The following SLC6A7 variants were observed in gnomAD, a reference collection of about 807,000 sequenced individuals.
SLC6A7 encodes the protein sodium-dependent proline transporter.
Under a neutral mutation model 73.1 loss-of-function variants are expected in SLC6A7, and 58 were observed. That is an observed-to-expected ratio of 0.79 (90% CI 0.64 to 0.99). The LOEUF is 0.99. Among genes scored for constraint, SLC6A7 ranks in the 50% least tolerant of loss-of-function variants. The pLI is 0.00. For missense variants in SLC6A7, 783 were observed against 831.4 expected, an observed-to-expected ratio of 0.94 and a Z score of 0.72; for synonymous variants, 338 against 338.7, an observed-to-expected ratio of 1.00 and a Z score of 0.02.
chr5:150,201,364 T>C, intron 6 of SLC6A7, 141 bp downstream of exon 6: 1 of 480,954 alleles, frequency 2.1e-6, no homozygotes, highest in Non-Finnish European at 3.4e-6. Flanking sequence ...ATTGTTATTT[T>C]TTTCTATTTT....
chr5:150,200,648 C>T (rs1485545961), intron 5 of SLC6A7, among the ~76,000 whole-genome samples: 3 of 152,004 alleles, frequency 2.0e-5, no homozygotes, highest in Non-Finnish European at 4.4e-5. Context: ...GGGTAGAAAC[C>T]ATATAGAAAG....
chr5:150,190,123 G>T lies in SLC6A7; in HGVS notation c.-205G>T, dbSNP rs1288477033. 4 of 457,788 alleles carry T rather than the reference G, an allele frequency of 8.7e-6. No individual in the cohort carries two copies. Among genetic ancestry groups the T allele is most frequent in the African/African-American group, 2.1e-5 (1 of 48,132 alleles). The allele number at this position is 457,788 out of a possible 1,614,324, so 28.4% of individuals were successfully genotyped here. A position where few individuals can be genotyped will look rare whatever the true frequency, so the allele number is the denominator to read the frequency against. ...AGTGCACCCTTCCCCAGCCTCGGGC[G>T]CTGCGCAGGGACAGACAAGGCATTC... On this transcript the variant is annotated 5_prime_UTR_variant, in exon 1 of 14. Transcript: ENST00000230671.
rs1753073160 is a variant in SLC6A7 at position 150,197,130 on chromosome 5, C to G, written c.438C>G (p.Ala146=). 5.6e-6 allele frequency: 9 copies of G among 1,614,130 alleles called. No individual in the cohort carries two copies. Among genetic ancestry groups the G allele is most frequent in the Non-Finnish European group, 7.6e-6 (9 of 1,180,020 alleles). The part of the protein sequence containing the change: ...IIAYVLFYLF[A]SLTSDLPWEH... ...CCTACGTGCTCTTCTACCTCTTCGC[C>G]TCCCTCACCAGCGACCTACCCTGGG... The change falls in exon 4 of 14, where the codon GCC becomes GCG. Residue 146 remains alanine, a synonymous_variant. Transcript: ENST00000230671.
At position 150,199,344 on chromosome 5, in the gene SLC6A7, AG is replaced by A. The variant is rs35844281; in HGVS notation, c.704del (p.Gly235ValfsTer2). ...GTCATCGTGTTCCTCTGTATCCTCA[AG>A]GGTGTGAAGTCTTCGGGCAAGGTGA... is the stretch of plus-strand genomic sequence containing the variant. ...AWVIVFLCIL[K>X]GVKSSGKVVY... On this transcript the variant is annotated frameshift_variant, in exon 5 of 14. Transcript: ENST00000230671. LOFTEE classifies it high-confidence loss of function. 3 of 1,613,786 alleles carry A rather than the reference AG, an allele frequency of 1.9e-6. No homozygotes were observed. The highest frequency in any genetic ancestry group is 2.5e-6 in the Non-Finnish European group (3 of 1,179,804).
chr5:150,198,121 G>GAAAGAA (rs1753170411), intron 4 of SLC6A7, among the ~76,000 whole-genome samples: 4 of 111,844 alleles, frequency 3.6e-5, no homozygotes, highest in East Asian at 5.1e-4. Context: ...GAAAGAGAAA[G>GAAAGAA]AAAGAAAGAA....
chr5:150,197,265 G>C lies in SLC6A7; in HGVS notation c.573G>C (p.Glu191Asp). ...TCACCTGCACCGTCAGCCCCAGCGA[G>C]GAGTACTGGAGGTCAGGCAGCTGCT... ...LNLTCTVSPS[E>D]EYWSRYVLHI... is the part of the protein sequence containing the mutation. Residue 191 changes from glutamate (E) to aspartate (D), a missense_variant, in exon 4 of 14, where the codon GAG becomes GAC. Coordinates refer to ENST00000230671, the MANE Select transcript of SLC6A7 (RefSeq NM_014228.5). 6.2e-7 allele frequency: 1 copy of C among 1,605,480 alleles called. No individual in the cohort carries two copies. Among genetic ancestry groups the C allele is most frequent in the South Asian group, 1.1e-5 (1 of 89,860 alleles).
chr5:150,199,084 T>G, intron 4 of SLC6A7, 144 bp from the exon 5 acceptor site: 7 of 1,104,698 alleles, frequency 6.3e-6, no homozygotes, highest in Admixed American at 2.8e-5. Context: ...TGGGTCAGAG[T>G]TGGTCGGAGA....
At position 150,190,194 on chromosome 5, in the gene SLC6A7, C is replaced by A. The variant is rs1752705200; in HGVS notation, c.-134C>A. 1.5e-5 allele frequency: 10 copies of A among 662,674 alleles called. 1 individual carries two copies. Among genetic ancestry groups the A allele is most frequent in the South Asian group, 1.1e-4 (5 of 43,784 alleles). The allele number at this position is 662,674 out of a possible 1,614,324, so 41.0% of individuals were successfully genotyped here. On this transcript the variant is annotated 5_prime_UTR_variant, in exon 1 of 14. Coordinates refer to ENST00000230671, the MANE Select transcript of SLC6A7 (RefSeq NM_014228.5). ...CACGCCCGCAGCCGCCAGACGGCAG[C>A]GCCTGCGTCCGTGCCCGCCCCAGCC...
chr5:150,203,993 C>T lies in SLC6A7; in HGVS notation c.1287C>T (p.Leu429=), dbSNP rs750699916. The change falls in exon 10 of 14, where the codon CTC becomes CTT. Residue 429 remains leucine (L), a synonymous_variant. Transcript: ENST00000230671. ...LRPKKAVFSG[L]ICVAMYLMGL... ...CCAAGAAGGCGGTGTTCTCAGGGCT[C>T]ATCTGCGTGGCCATGTACCTGATGG... 59 of 1,613,672 alleles carry T rather than the reference C, an allele frequency of 3.7e-5. No individual in the cohort carries two copies. Among genetic ancestry groups the T allele is most frequent in the African/African-American group, 6.7e-5 (5 of 74,880 alleles).
At chr5:150,201,758 T>C (rs13153971) in intron 6 of SLC6A7, among the ~76,000 whole-genome samples, 62,197 of 151,980 alleles carry the variant, frequency 0.41, 13,577 homozygotes, top group Non-Finnish European at 0.5. Context: ...ACAATGGTGA[T>C]AACAATGGTA....
At chr5:150,204,708 C>G in intron 11 of SLC6A7, 77 bp downstream of exon 11, 1 of 1,359,496 alleles carries the variant, frequency 7.4e-7, no homozygotes, top group South Asian at 1.2e-5. Context: ...AGCCCCAGTA[C>G]CTGGGTCCCT....
chr5:150,207,331 C>T (rs565447781), intron 13 of SLC6A7, among the ~76,000 whole-genome samples: 2 of 152,250 alleles, frequency 1.3e-5, no homozygotes, highest in African/African-American at 4.8e-5. Context: ...TCTGGGCTCA[C>T]TGCAACCTCC....
chr5:150,204,264 CT>C (rs1753562496), intron 10 of SLC6A7, among the ~76,000 whole-genome samples: 1 of 152,212 alleles, frequency 6.6e-6, no homozygotes, highest in South Asian at 2.1e-4. Context: ...AACCTGACTC[CT>C]GCACTTGCTG....
chr5:150,198,540 GT>G (rs147079085), intron 4 of SLC6A7, among the ~76,000 whole-genome samples: 5,175 of 152,302 alleles, frequency 0.034, 279 homozygotes, highest in African/African-American at 0.11. Flanking sequence ...TGCCAGGGTG[GT>G]TCTCCATGGC....
In SLC6A7 at chr5:150,190,204, C is replaced by G. The variant is rs1429597700; in HGVS notation, c.-124C>G. On this transcript the variant is annotated 5_prime_UTR_variant, in exon 1 of 14. Coordinates refer to ENST00000230671, the MANE Select transcript of SLC6A7 (RefSeq NM_014228.5). ...GCCGCCAGACGGCAGCGCCTGCGTC[C>G]GTGCCCGCCCCAGCCGGTGCGCGGG... is the stretch of plus-strand genomic sequence containing the variant. 3.9e-6 allele frequency: 3 copies of G among 772,902 alleles called. No individual in the cohort carries two copies. The highest frequency in any genetic ancestry group is 5.9e-6 in the Non-Finnish European group (3 of 511,836). 47.9% of individuals were successfully genotyped at this position (772,902 alleles called of 1,614,324 possible).
Position 150,209,439 on chromosome 5 carries a change from T to A in SLC6A7, c.1735T>A (p.Trp579Arg), listed in dbSNP as rs376919661. 6.2e-7 allele frequency: 1 copy of A among 1,613,842 alleles called. No individual in the cohort carries two copies. Among genetic ancestry groups the A allele is most frequent in the Non-Finnish European group, 8.5e-7 (1 of 1,180,044 alleles). The change falls in exon 14 of 14, where the codon TGG becomes AGG. Residue 579 changes from tryptophan to arginine, a missense_variant. By Grantham distance (101) the Trp-to-Arg change is moderately radical (BLOSUM62 -3). Transcript: ENST00000230671. ...ACAGGCCAGCCGGCCGGCCATGGAC[T>A]GGGGACCATCGCTGGAGGAGAACCG... ...LQQASRPAMD[W>R]GPSLEENRTG...
Position 150,209,524 on chromosome 5 carries a change from AC to A in SLC6A7, c.1821del (p.His607GlnfsTer29). 1.2e-6 allele frequency: 2 copies of A among 1,614,202 alleles called. No homozygotes were observed. The highest frequency in any genetic ancestry group is 1.7e-6 in the Non-Finnish European group (2 of 1,180,016). On this transcript the variant is annotated frameshift_variant, in exon 14 of 14. Transcript: ENST00000230671. LOFTEE classifies it high-confidence loss of function. ...GSQSPKPLMV[H>X]MRKYGGITSF... is the part of the protein sequence containing the mutation. ...CAGTCACCAAAGCCACTGATGGTGC[AC>A]ATGCGCAAGTACGGGGGCATCACCA... is the stretch of plus-strand genomic sequence containing the variant.
At position 150,204,565 on chromosome 5, in the gene SLC6A7, T is replaced by G. The variant is rs758163384; in HGVS notation, c.1366T>G (p.Tyr456Asp). 4 of 1,614,132 alleles carry G rather than the reference T, an allele frequency of 2.5e-6. No homozygotes were observed. The Admixed American group carries it at 6.7e-5, about 27-fold the overall frequency. The part of the protein sequence containing the change: ...GMYWLVLLDD[Y>D]SASFGLMVVV... ...GTACTGGCTGGTCCTTCTGGATGAC[T>G]ACAGCGCCAGCTTCGGGCTGATGGT... Residue 456 changes from tyrosine to aspartate, a missense_variant, in exon 11 of 14, where the codon TAC becomes GAC. Coordinates refer to ENST00000230671, the MANE Select transcript of SLC6A7 (RefSeq NM_014228.5).
At chr5:150,195,802 G>A (rs1292236145) in intron 2 of SLC6A7, among the ~76,000 whole-genome samples, 1 of 152,206 alleles carries the variant, frequency 6.6e-6, no homozygotes, top group East Asian at 1.9e-4. Context: ...TGTGGGACTG[G>A]AGCTGGCCTC....
Sources: gnomAD v4.1 joint callset for allele counts (sites outside exome capture counted in the v4.1 genomes callset) on GRCh38, gnomAD v4.1.1 for gene constraint, MANE v1.5 for transcripts, NCBI Gene and HGNC (gene_info 2026-07-23, HGNC 2026-07-21) for gene names.